The following SNTG1 variants were observed in gnomAD, a reference collection of about 807,000 sequenced individuals.
SNTG1 encodes the protein gamma-1-syntrophin.
SNTG1 carries 39 observed loss-of-function variants against 74.7 expected under a neutral mutation model. That is an observed-to-expected ratio of 0.52 (90% CI 0.40 to 0.68). SNTG1 has a LOEUF of 0.68. SNTG1 is among the 30% of genes least tolerant of loss of function. SNTG1 has a pLI of 0.00. For synonymous variants in SNTG1, 254 were observed against 217.1 expected (o/e 1.17, Z -1.49); for missense variants, 685 against 609.5 (o/e 1.12, Z -1.30).
chr8:50,513,154 G>A (rs975307238), intron 9 of SNTG1, among the ~76,000 whole-genome samples: 4 of 152,168 alleles, frequency 2.6e-5, no homozygotes, highest in African/African-American at 7.2e-5. Context: ...CTCAGCTGCT[G>A]GTCTGTTGGA....
At chr8:50,066,639 G>A (rs984200040) in intron 1 of SNTG1, among the ~76,000 whole-genome samples, 5 of 152,160 alleles carry the variant, frequency 3.3e-5, no homozygotes, top group Non-Finnish European at 1.5e-5. Flanking sequence ...AAAAACATGT[G>A]AGCTCATAAT....
chr8:49,916,449 T>A (rs1484937153), intron 1 of SNTG1, among the ~76,000 whole-genome samples: 1 of 151,832 alleles, frequency 6.6e-6, no homozygotes, highest in East Asian at 1.9e-4. Context: ...TCAAAAAGAG[T>A]GTCATTAAAT....
intron 2 of SNTG1, among the ~76,000 whole-genome samples, chr8:50,203,856 A>T (rs186834564): frequency 6.6e-6 from 1 of 152,182 alleles, no homozygotes; most frequent in Admixed American, 6.6e-5. Context: ...TTAGTATAAA[A>T]ATAACAATGT....
intron 8 of SNTG1, among the ~76,000 whole-genome samples, chr8:50,480,833 G>A (rs1258480927): frequency 1.3e-5 from 2 of 152,068 alleles, no homozygotes; most frequent in Non-Finnish European, 2.9e-5. Context: ...ATATTTCATT[G>A]AAAGAATTAC....
At chr8:50,314,230 T>C (rs2090228962) in intron 2 of SNTG1, among the ~76,000 whole-genome samples, 1 of 149,442 alleles carries the variant, frequency 6.7e-6, no homozygotes, top group Non-Finnish European at 1.5e-5. Flanking sequence ...CTTTCATCTT[T>C]ACTCCCTCAT....
At chr8:49,945,594 AT>A (rs960523510) in intron 1 of SNTG1, among the ~76,000 whole-genome samples, 1 of 152,172 alleles carries the variant, frequency 6.6e-6, no homozygotes, top group Non-Finnish European at 1.5e-5. Context: ...CAGCTGATCT[AT>A]GCAGGACTCA....
rs71235311 is a variant in SNTG1, at chr8:50,601,152, C to CAAAAAAAAA, written c.849+10259_849+10267dup. On this transcript the variant is annotated intron_variant, in intron 13 of 18. Transcript: ENST00000642720. ...CAGCCTGGTGACAGAGCCAGCGAGA[C>CAAAAAAAAA]AAAAAAAAAAAAAAAAAAAAAAAAA... is the stretch of plus-strand genomic sequence containing the variant. 3.1e-3 allele frequency among the ~76,000 whole-genome samples: 97 copies of CAAAAAAAAA among 31,442 alleles called. 23 individuals carry two copies. The highest frequency in any genetic ancestry group is 0.016 in the African/African-American group (79 of 5,078). 20.6% of individuals were successfully genotyped at this position (31,442 alleles called of 152,430 possible). A position where few individuals can be genotyped will look rare whatever the true frequency, so the allele number is the denominator to read the frequency against.
chr8:50,611,584 A>C (rs1032258540), intron 13 of SNTG1, among the ~76,000 whole-genome samples: 1 of 152,186 alleles, frequency 6.6e-6, no homozygotes, highest in African/African-American at 2.4e-5. Context: ...TATATTTAAA[A>C]GCATTGAAGA....
intron 1 of SNTG1, among the ~76,000 whole-genome samples, chr8:50,156,456 G>C (rs192685049): frequency 3.3e-5 from 5 of 152,022 alleles, no homozygotes; most frequent in African/African-American, 1.2e-4. Context: ...ATTTAGTCTA[G>C]AAATCTAAGA....
intron 15 of SNTG1, among the ~76,000 whole-genome samples, chr8:50,667,072 A>T (rs1341087280): frequency 6.6e-6 from 1 of 151,966 alleles, no homozygotes; most frequent in African/African-American, 2.4e-5. Context: ...AAATCAATAT[A>T]CAAAATATAG....
intron 9 of SNTG1, among the ~76,000 whole-genome samples, chr8:50,517,648 T>C (rs1438931655): frequency 7.2e-6 from 1 of 138,902 alleles, no homozygotes; most frequent in Non-Finnish European, 1.5e-5. Context: ...ATAGCAGGGG[T>C]TGAAATCCTA....
chr8:50,696,366 T>C lies in SNTG1; in HGVS notation c.1039-8234T>C, dbSNP rs1208175799. Reference sequence around the variant, plus strand: ...TGAGTTCCTCATAGATTCTGGATATTAGCCCTCTCTTAGTTGCATGGCTTG... The same window carrying C: ...TGAGTTCCTCATAGATTCTGGATATCAGCCCTCTCTTAGTTGCATGGCTTG... On this transcript the variant is annotated intron_variant, in intron 15 of 18. Transcript: ENST00000642720. Among the ~76,000 whole-genome samples, 3 of 152,236 alleles carry C rather than the reference T, an allele frequency of 2.0e-5. No homozygotes were observed. In the East Asian group the frequency reaches 5.8e-4, roughly 29 times the overall value.
At chr8:50,658,220 G>C (rs1472387498) in intron 14 of SNTG1, among the ~76,000 whole-genome samples, 1 of 151,492 alleles carries the variant, frequency 6.6e-6, no homozygotes, top group African/African-American at 2.4e-5. Flanking sequence ...ATATAGCTGT[G>C]TTGAGGTCTG....
At chr8:50,759,628 G>A (rs1378952277) in intron 18 of SNTG1, among the ~76,000 whole-genome samples, 2 of 151,664 alleles carry the variant, frequency 1.3e-5, no homozygotes, top group East Asian at 1.9e-4. Flanking sequence ...TAGATGTGTG[G>A]TATTATTTCT....
At chr8:50,480,756 TTAA>T (rs2093733657) in intron 8 of SNTG1, among the ~76,000 whole-genome samples, 1 of 152,190 alleles carries the variant, frequency 6.6e-6, no homozygotes, top group South Asian at 2.1e-4. Context: ...ATTGCATGAT[TTAA>T]TAATAAATTG....
At chr8:50,395,089 A>G (rs1174058580) in intron 3 of SNTG1, among the ~76,000 whole-genome samples, 2 of 152,156 alleles carry the variant, frequency 1.3e-5, no homozygotes, top group Non-Finnish European at 2.9e-5. Flanking sequence ...ACTTTAGTGA[A>G]ATGTCATGTG....
rs117377719 is a variant in SNTG1 at position 50,200,208 on chromosome 8, C to T, written c.-28+27573C>T. The stretch of plus-strand genomic sequence containing the variant: ...GAATTAATTCCCGTTAGTATCTCCA[C>T]TTTACACTGAAAAAACAAGGCATCA... On this transcript the variant is annotated intron_variant, in intron 2 of 18. Transcript: ENST00000642720. Among the ~76,000 whole-genome samples, 115 of 152,268 alleles carry T rather than the reference C, an allele frequency of 7.6e-4. 1 individual carries two copies. In the East Asian group the frequency reaches 0.021, roughly 28 times the overall value.
At chr8:50,537,728 G>A (rs1044341816) in intron 11 of SNTG1, among the ~76,000 whole-genome samples, 4 of 152,038 alleles carry the variant, frequency 2.6e-5, no homozygotes, top group Non-Finnish European at 5.9e-5. Context: ...AAACTTTCCT[G>A]TAAAGAGCTG....
chr8:50,226,904 T>C (rs1416235155), intron 2 of SNTG1, among the ~76,000 whole-genome samples: 1 of 152,212 alleles, frequency 6.6e-6, no homozygotes, highest in Non-Finnish European at 1.5e-5. Flanking sequence ...ATCAACAGTA[T>C]ATTCACTATA....
Sources: allele counts gnomAD v4.1 joint callset (sites outside exome capture counted in the v4.1 genomes callset), GRCh38; gene constraint gnomAD v4.1.1; transcripts MANE v1.5; gene names NCBI Gene and HGNC (gene_info 2026-07-23, HGNC 2026-07-21).